Variants in CCDC15 observed in about 807,000 individuals in gnomAD.
CCDC15 encodes coiled-coil domain containing 15.
A neutral mutation model predicts 114.5 loss-of-function variants in CCDC15; 105 were observed. That is an observed-to-expected ratio of 0.92 (90% CI 0.78 to 1.08). The LOEUF (loss-of-function observed/expected upper bound fraction) is 1.08. Ranked by LOEUF, CCDC15 falls within the 50% of genes least tolerant of loss-of-function variation. The pLI is 0.00. For missense variants in CCDC15, 1,105 were observed against 1,093.6 expected, an observed-to-expected ratio of 1.01 and a Z score of -0.15; for synonymous variants, 334 against 377.8, an observed-to-expected ratio of 0.88 and a Z score of 1.34.
intron 6 of CCDC15, 53 bp downstream of exon 6, chr11:124,977,653 C>G: frequency 6.5e-7 from 1 of 1,542,858 alleles, no homozygotes; most frequent in Middle Eastern, 1.7e-4. Flanking sequence ...TAGAAGTATC[C>G]ACAGCTAACT....
At chr11:125,028,809 C>A (rs1948720923) in intron 13 of CCDC15, among the ~76,000 whole-genome samples, 1 of 152,156 alleles carries the variant, frequency 6.6e-6, no homozygotes, top group South Asian at 2.1e-4. Context: ...ATCACTCTGG[C>A]TAGGACCCAT....
intron 13 of CCDC15, among the ~76,000 whole-genome samples, chr11:125,017,552 A>G (rs1948636289): frequency 6.6e-6 from 1 of 152,150 alleles, no homozygotes; most frequent in South Asian, 2.1e-4. Flanking sequence ...AGTTATGTAC[A>G]ATGCATAATG....
chr11:125,033,939 C>A (rs936605417), intron 13 of CCDC15, among the ~76,000 whole-genome samples: 1 of 152,172 alleles, frequency 6.6e-6, no homozygotes, highest in African/African-American at 2.4e-5. Context: ...TCAAGCAGTT[C>A]TTTTTGAGTG....
At position 125,038,546 on chromosome 11, in the gene CCDC15, C is replaced by T. The variant is rs1380301621; in HGVS notation, c.2527C>T (p.Gln843Ter). 3 of 1,581,548 alleles carry T rather than the reference C, an allele frequency of 1.9e-6. No homozygotes were observed. The highest frequency in any genetic ancestry group is 3.7e-5 in the Admixed American group (2 of 54,022). Residue 843 changes from glutamine to a stop codon, truncating the protein, a stop_gained, in exon 14 of 16, where the codon CAA (glutamine) becomes TAA (stop). Coordinates refer to ENST00000344762, the MANE Select transcript of CCDC15 (RefSeq NM_025004.3). LOFTEE classifies it high-confidence loss of function. ...GTTGAGTGAGATATTAGCCCAGTTACAACTTCAAGAAATAAAAGGAACCAG... is the reference window on the plus strand; with the variant it reads ...GTTGAGTGAGATATTAGCCCAGTTATAACTTCAAGAAATAAAAGGAACCAG... ...EKLSEILAQL[Q>*]LQEIKGTREK...
chr11:125,033,844 C>CT (rs1172590846), intron 13 of CCDC15, among the ~76,000 whole-genome samples: 5 of 152,184 alleles, frequency 3.3e-5, no homozygotes, highest in Admixed American at 2.6e-4. Flanking sequence ...TGATCAAACT[C>CT]TATGTTCCTT....
rs1451828302 is a variant in CCDC15, at chr11:125,038,587, A to G, written c.2568A>G (p.Arg856=). The G allele has an allele frequency of 6.4e-7, 1 of 1,569,136 alleles. No individual in the cohort carries two copies. The highest frequency in any genetic ancestry group is 8.6e-7 in the Non-Finnish European group (1 of 1,160,870). Reference sequence around the variant, plus strand: ...AAGGAACCAGAGAAAAACAACAGAGAGAAAAAGAATACCTGAGGTAATTTG... The same window carrying G: ...AAGGAACCAGAGAAAAACAACAGAGGGAAAAAGAATACCTGAGGTAATTTG... ...EIKGTREKQQ[R]EKEYLRYVEA... is the part of the protein sequence containing the mutation. Residue 856 remains arginine, a synonymous_variant, in exon 14 of 16, where the codon AGA becomes AGG. Coordinates refer to ENST00000344762, the MANE Select transcript of CCDC15 (RefSeq NM_025004.3).
intron 13 of CCDC15, among the ~76,000 whole-genome samples, chr11:125,010,205 G>A (rs1948580562): frequency 6.6e-6 from 1 of 151,968 alleles, no homozygotes. Context: ...ACTAATATCT[G>A]TTTTGACTCG....
chr11:124,967,167 A>G (rs1398318837), intron 4 of CCDC15, among the ~76,000 whole-genome samples: 1 of 151,992 alleles, frequency 6.6e-6, no homozygotes, highest in Non-Finnish European at 1.5e-5. Flanking sequence ...TATTTCCTGA[A>G]TTTAAAGGTT....
intron 13 of CCDC15, among the ~76,000 whole-genome samples, chr11:125,010,533 G>T (rs1038437313): frequency 9.2e-5 from 14 of 151,942 alleles, no homozygotes; most frequent in Admixed American, 1.3e-4. Flanking sequence ...GCTAATTTTT[G>T]TATTTTTAGT....
rs1440216893 is a variant in CCDC15 at position 124,977,172 on chromosome 11, C to T, written c.631-306C>T. On this transcript the variant is annotated intron_variant, in intron 5 of 15. Coordinates refer to ENST00000344762, the MANE Select transcript of CCDC15 (RefSeq NM_025004.3). ...TTTGGAGATACAAGTGGAACACATA[C>T]TTGCTTGTACTCTGGCAGGTTGCCA... 2.0e-5 allele frequency among the ~76,000 whole-genome samples: 3 copies of T among 152,252 alleles called. No homozygotes were observed. In the East Asian group the frequency reaches 5.8e-4, roughly 29 times the overall value.
rs7128413 is a variant in CCDC15 at position 124,970,051 on chromosome 11, G to A, written c.517-5045G>A. On this transcript the variant is annotated intron_variant, in intron 4 of 15. Coordinates refer to ENST00000344762, the MANE Select transcript of CCDC15 (RefSeq NM_025004.3). ...AGTGCTAAAACTGAGACAGTTCTAG[G>A]TAAACTAGTATAGTTGGTCACCTTG... Among the ~76,000 whole-genome samples, 516 of 152,242 alleles carry A rather than the reference G, an allele frequency of 3.4e-3. 1 individual carries two copies. The highest frequency in any genetic ancestry group is 0.012 in the African/African-American group (485 of 41,534).
At chr11:125,021,781 A>G (rs770237827) in intron 13 of CCDC15, among the ~76,000 whole-genome samples, 12 of 151,888 alleles carry the variant, frequency 7.9e-5, no homozygotes, top group Admixed American at 1.3e-4. Context: ...TTGAAAAACA[A>G]TGCTGACGTG....
At chr11:125,006,953 C>T (rs766943585) in intron 13 of CCDC15, among the ~76,000 whole-genome samples, 2 of 152,040 alleles carry the variant, frequency 1.3e-5, no homozygotes, top group South Asian at 2.1e-4. Flanking sequence ...TTTATTGATA[C>T]ATAATAATTG....
At chr11:125,019,741 A>G (rs1317005454) in intron 13 of CCDC15, among the ~76,000 whole-genome samples, 1 of 151,982 alleles carries the variant, frequency 6.6e-6, no homozygotes, top group Non-Finnish European at 1.5e-5. Context: ...AGAGGTGACG[A>G]GAATAAGTTT....
intron 13 of CCDC15, among the ~76,000 whole-genome samples, chr11:125,015,036 G>A (rs976133923): frequency 2.6e-5 from 4 of 151,958 alleles, no homozygotes; most frequent in Non-Finnish European, 5.9e-5. Context: ...AATTATAATG[G>A]CAATTAGGAA....
intron 13 of CCDC15, among the ~76,000 whole-genome samples, chr11:125,019,363 T>C (rs769651726): frequency 5.9e-5 from 9 of 151,996 alleles, no homozygotes; most frequent in Non-Finnish European, 1.0e-4. Context: ...TTAGAGACAC[T>C]AAGTTATTTA....
chr11:124,987,370 C>A lies in CCDC15; in HGVS notation c.1144C>A (p.Gln382Lys). ...AGGCCAGGCCATTGAGCCAGAAGGC[C>A]AGCCTATTAAGACAGAAACTCAGGG... ...PEGQAIEPEG[Q>K]PIKTETQGIM... Residue 382 changes from glutamine to lysine, a missense_variant, in exon 8 of 16, where the codon CAG becomes AAG. By Grantham distance (53) the Gln-to-Lys change is moderately conservative. Coordinates refer to ENST00000344762, the MANE Select transcript of CCDC15 (RefSeq NM_025004.3). 1 of 1,613,794 alleles carries A rather than the reference C, an allele frequency of 6.2e-7. No homozygotes were observed.
intron 11 of CCDC15, among the ~76,000 whole-genome samples, chr11:124,998,902 A>T (rs1948424595): frequency 6.6e-6 from 1 of 151,546 alleles, no homozygotes; most frequent in Admixed American, 6.6e-5. Context: ...CTATGCCTGG[A>T]TAATGTTTGT....
At chr11:124,986,541 A>G (rs1480393630) in intron 6 of CCDC15, among the ~76,000 whole-genome samples, 1 of 152,198 alleles carries the variant, frequency 6.6e-6, no homozygotes, top group African/African-American at 2.4e-5. Flanking sequence ...TTCATTATAC[A>G]GTCCTGCACT....
Sources: allele counts gnomAD v4.1 joint callset (sites outside exome capture counted in the v4.1 genomes callset), GRCh38; gene constraint gnomAD v4.1.1; transcripts MANE v1.5; gene names NCBI Gene and HGNC (gene_info 2026-07-23, HGNC 2026-07-21).